GRID1: variants seen among roughly 807,000 people sequenced by gnomAD.
GRID1 encodes the protein glutamate ionotropic receptor delta type subunit 1.
A neutral mutation model predicts 98.0 loss-of-function variants in GRID1; 28 were observed. The observed-to-expected ratio is 0.29, with a 90% confidence interval of 0.21 to 0.39. GRID1 has a LOEUF of 0.39. Among genes scored for constraint, GRID1 ranks in the 10% least tolerant of loss-of-function variants. GRID1 has a pLI of 1.00. For missense variants in GRID1, 1,111 were observed against 1,340.5 expected (o/e 0.83, Z 2.67); for synonymous variants, 553 against 538.5 (o/e 1.03, Z -0.37).
At chr10:85,736,370 G>A (rs926649053) in intron 8 of GRID1, among the ~76,000 whole-genome samples, 2 of 152,142 alleles carry the variant, frequency 1.3e-5, no homozygotes, top group East Asian at 3.8e-4. Flanking sequence ...CAAATCTCAT[G>A]CTTAATAATA....
chr10:86,108,730 G>T (rs897525053), intron 4 of GRID1, among the ~76,000 whole-genome samples: 12 of 152,036 alleles, frequency 7.9e-5, no homozygotes, highest in African/African-American at 2.7e-4. Context: ...CCTTTGATTT[G>T]CAGGTCCTAT....
chr10:86,223,428 G>A (rs969106137), intron 2 of GRID1, among the ~76,000 whole-genome samples: 3 of 152,216 alleles, frequency 2.0e-5, no homozygotes, highest in East Asian at 3.9e-4. Flanking sequence ...TGCCTGGCAC[G>A]CATGCAGGCA....
intron 4 of GRID1, among the ~76,000 whole-genome samples, chr10:86,120,129 C>A (rs2131958272): frequency 6.6e-6 from 1 of 152,268 alleles, no homozygotes; most frequent in African/African-American, 2.4e-5. Flanking sequence ...CTGATTCTAG[C>A]CTCTAGCATG....
chr10:86,098,615 T>C (rs1443923997), intron 4 of GRID1, among the ~76,000 whole-genome samples: 2 of 152,248 alleles, frequency 1.3e-5, no homozygotes, highest in Non-Finnish European at 2.9e-5. Flanking sequence ...ATTACTAATT[T>C]ACCTTCCAGA....
intron 8 of GRID1, among the ~76,000 whole-genome samples, chr10:85,781,218 TA>T (rs903723857): frequency 6.6e-6 from 1 of 152,184 alleles, no homozygotes; most frequent in Non-Finnish European, 1.5e-5. Flanking sequence ...AACCCAATTT[TA>T]AAAAATCAAT....
intron 2 of GRID1, among the ~76,000 whole-genome samples, chr10:86,291,136 C>T (rs565555595): frequency 3.9e-5 from 6 of 152,320 alleles, no homozygotes; most frequent in African/African-American, 1.4e-4. Flanking sequence ...CCATGGGCCA[C>T]AGGCACAAGG....
chr10:86,044,673 T>C (rs1406672520), intron 4 of GRID1, among the ~76,000 whole-genome samples: 1 of 152,216 alleles, frequency 6.6e-6, no homozygotes, highest in Admixed American at 6.5e-5. Context: ...CTCTTAGAGA[T>C]GTGCAACCAT....
At chr10:86,348,623 A>G (rs977729417) in intron 2 of GRID1, among the ~76,000 whole-genome samples, 1 of 152,220 alleles carries the variant, frequency 6.6e-6, no homozygotes. Flanking sequence ...GCTATGTGCC[A>G]GTGCCTGGAC....
chr10:86,029,863 A>T (rs991924729), intron 4 of GRID1, among the ~76,000 whole-genome samples: 1 of 152,240 alleles, frequency 6.6e-6, no homozygotes, highest in Non-Finnish European at 1.5e-5. Context: ...AAATAAAACC[A>T]AGGAACTTCA....
intron 12 of GRID1, among the ~76,000 whole-genome samples, chr10:85,695,779 CA>C (rs774704723): frequency 2.0e-4 from 31 of 151,538 alleles, no homozygotes; most frequent in Non-Finnish European, 1.5e-5. Context: ...ACCAAACAAA[CA>C]AAAAAAACAA....
chr10:85,931,549 T>C (rs965826899), intron 4 of GRID1, among the ~76,000 whole-genome samples: 1 of 152,208 alleles, frequency 6.6e-6, no homozygotes, highest in African/African-American at 2.4e-5. Context: ...AGTCATCATG[T>C]TTCTCTTCAA....
At chr10:86,044,089 C>T (rs1483188154) in intron 4 of GRID1, among the ~76,000 whole-genome samples, 2 of 152,156 alleles carry the variant, frequency 1.3e-5, no homozygotes, top group African/African-American at 4.8e-5. Flanking sequence ...TACCAAGCCC[C>T]CACACAGAAA....
chr10:85,889,180 C>G (rs1449339318), intron 5 of GRID1, among the ~76,000 whole-genome samples: 3 of 152,144 alleles, frequency 2.0e-5, no homozygotes, highest in Non-Finnish European at 4.4e-5. Flanking sequence ...AAGGCAGAGG[C>G]TGAGTGGGAA....
chr10:85,612,420 G>T (rs891717062), intron 15 of GRID1, among the ~76,000 whole-genome samples: 1 of 152,180 alleles, frequency 6.6e-6, no homozygotes, highest in African/African-American at 2.4e-5. Context: ...GAACTGCCCT[G>T]TACTATCTGA....
chr10:85,752,113 T>C (rs904634522), intron 8 of GRID1, among the ~76,000 whole-genome samples: 3 of 152,218 alleles, frequency 2.0e-5, no homozygotes, highest in African/African-American at 7.2e-5. Flanking sequence ...TGAGTGTATC[T>C]TTATGAGCCT....
At chr10:86,153,691 A>C (rs562731940) in intron 3 of GRID1, among the ~76,000 whole-genome samples, 1 of 152,300 alleles carries the variant, frequency 6.6e-6, no homozygotes, top group African/African-American at 2.4e-5. Context: ...GGAGCAACAC[A>C]GATGGCCCAG....
In GRID1 at chr10:86,219,964, C is replaced by T. The variant is rs536542830; in HGVS notation, c.236-13316G>A. Among the ~76,000 whole-genome samples, 12 of 152,340 alleles carry T rather than the reference C, an allele frequency of 7.9e-5. No individual in the cohort carries two copies. The South Asian group carries it at 2.1e-3, about 26-fold the overall frequency. ...CAGGCCCCAGCCCACCTCTACCACACAGCAGCCCAGAGCCTGGGTTGGTCA... is the reference window on the plus strand; with the variant it reads ...CAGGCCCCAGCCCACCTCTACCACATAGCAGCCCAGAGCCTGGGTTGGTCA... On this transcript the variant is annotated intron_variant, in intron 2 of 15. Coordinates refer to ENST00000327946, the MANE Select transcript of GRID1 (RefSeq NM_017551.3).
At chr10:86,302,931 C>T (rs1847710369) in intron 2 of GRID1, among the ~76,000 whole-genome samples, 1 of 152,196 alleles carries the variant, frequency 6.6e-6, no homozygotes, top group Admixed American at 6.5e-5. Context: ...TCTGTGTGCA[C>T]ACACAGAAGT....
At chr10:85,663,296 A>T (rs1021579442) in intron 12 of GRID1, among the ~76,000 whole-genome samples, 4 of 152,196 alleles carry the variant, frequency 2.6e-5, no homozygotes, top group African/African-American at 9.6e-5. Flanking sequence ...AGATACCTAC[A>T]CAGGCAGAAT....
Sources: gnomAD v4.1 joint callset for allele counts (sites outside exome capture counted in the v4.1 genomes callset) on GRCh38, gnomAD v4.1.1 for gene constraint, MANE v1.5 for transcripts, NCBI Gene and HGNC (gene_info 2026-07-23, HGNC 2026-07-21) for gene names.